The following TRPA1 variants were observed in gnomAD, a reference collection of about 807,000 sequenced individuals.
TRPA1 encodes transient receptor potential cation channel subfamily A member 1.
A neutral mutation model predicts 131.3 loss-of-function variants in TRPA1; 129 were observed. The ratio of observed to expected loss-of-function variants is 0.98; its 90% CI spans 0.85 to 1.14. TRPA1 has a LOEUF of 1.14. TRPA1 is among the 50% of genes most tolerant of loss of function. The probability of loss-of-function intolerance (pLI) is 0.00; values close to 1 mark genes in which losing one functional copy is unlikely to be tolerated. For missense variants in TRPA1, 1,304 were observed against 1,354.2 expected (o/e 0.96, Z 0.58); for synonymous variants, 441 against 451.7 (o/e 0.98, Z 0.30).
At chr8:72,088,217 C>T in the TRPA1 span, among the ~76,000 whole-genome samples, 67,518 of 151,988 alleles carry the variant, frequency 0.44, 15,292 homozygotes, top group African/African-American at 0.46. Flanking sequence ...ATTCTTTTGC[C>T]TATGTTTAGT....
intron 24 of TRPA1, among the ~76,000 whole-genome samples, chr8:72,027,453 G>T (rs1208387497): frequency 2.0e-5 from 3 of 152,162 alleles, no homozygotes. Context: ...AATTTGCAGT[G>T]GAGATATAAA....
intron 17 of TRPA1, among the ~76,000 whole-genome samples, chr8:72,043,461 C>T (rs990982078): frequency 1.6e-4 from 25 of 151,788 alleles, no homozygotes; most frequent in South Asian, 6.2e-4. Context: ...AAGACCTTCC[C>T]TTATTTATAA....
intron 10 of TRPA1, chr8:72,056,414 T>C (rs1284330688): frequency 1.8e-5 from 3 of 166,366 alleles, no homozygotes; most frequent in Admixed American, 5.8e-5. Context: ...TTGAAATCTA[T>C]TGATGATAAA....
Position 72,023,015 on chromosome 8 carries a change from T to C in TRPA1, c.3251A>G (p.His1084Arg), listed in dbSNP as rs749435626. 6 of 1,613,898 alleles carry C rather than the reference T, an allele frequency of 3.7e-6. No individual in the cohort carries two copies. Among genetic ancestry groups the C allele is most frequent in the South Asian group, 1.1e-5 (1 of 91,078 alleles). ...IISETEDDDS[H>R]CSFQDRFKKE... ...CTTAAACCTGTCTTGAAAAGAACAATGGCTATCATCATCCTCTGTCTCAGA... is the reference window on the plus strand; with the variant it reads ...CTTAAACCTGTCTTGAAAAGAACAACGGCTATCATCATCCTCTGTCTCAGA... The change falls in exon 27 of 27, where the codon CAT (histidine) becomes CGT (arginine). Residue 1084 changes from histidine to arginine, a missense_variant. Transcript: ENST00000262209.
chr8:72,030,588 C>CTTAA (rs1811779612), intron 23 of TRPA1, among the ~76,000 whole-genome samples: 1 of 152,044 alleles, frequency 6.6e-6, no homozygotes, highest in Non-Finnish European at 1.5e-5. Flanking sequence ...ATCCAAAATT[C>CTTAA]ATTTCATTTA....
the TRPA1 span, among the ~76,000 whole-genome samples, chr8:72,083,168 A>C: frequency 0.89 from 135,048 of 152,104 alleles, 60,165 homozygotes; most frequent in African/African-American, 0.95. Flanking sequence ...TTAAAATTCC[A>C]TTGTTGTTTT....
rs1261157454 is a variant in TRPA1 at position 72,023,041 on chromosome 8, G to A, written c.3225C>T (p.Ile1075=). 4.3e-6 allele frequency: 7 copies of A among 1,613,674 alleles called. No homozygotes were observed. In the African/African-American group the frequency reaches 8.0e-5, roughly 18 times the overall value. ...IKLIIQKMEI[I]SETEDDDSHC... is the part of the protein sequence containing the mutation. ...GGCTATCATCATCCTCTGTCTCAGA[G>A]ATGATCTCCATCTTCTGAATGATCA... Residue 1075 remains isoleucine (I), a synonymous_variant, in exon 27 of 27, where the codon ATC becomes ATT. Coordinates refer to ENST00000262209, the MANE Select transcript of TRPA1 (RefSeq NM_007332.3).
At chr8:72,085,244 A>C in the TRPA1 span, among the ~76,000 whole-genome samples, 1 of 152,112 alleles carries the variant, frequency 6.6e-6, no homozygotes, top group Non-Finnish European at 1.5e-5. Flanking sequence ...TTAAGGTAGT[A>C]TTTTTAATAT....
At chr8:72,051,305 A>G (rs1805501659) in intron 14 of TRPA1, among the ~76,000 whole-genome samples, 1 of 152,166 alleles carries the variant, frequency 6.6e-6, no homozygotes. Flanking sequence ...TCCTGTATTG[A>G]GTTAAACTAC....
Position 72,052,731 on chromosome 8 carries a change from T to C in TRPA1, c.1679A>G (p.His560Arg), listed in dbSNP as rs370572629. 6 of 1,613,478 alleles carry C rather than the reference T, an allele frequency of 3.7e-6. No homozygotes were observed. The highest frequency in any genetic ancestry group is 2.7e-5 in the African/African-American group (2 of 74,894). ...CAGAAGAAGCGCAACGGCTTTGGCG[T>C]GGCCTTCCCTTGCAGCAAAGTGAAG... ...TALHFAAREG[H>R]AKAVALLLSH... The change falls in exon 14 of 27, where the codon CAC becomes CGC. Residue 560 changes from histidine to arginine, a missense_variant. By Grantham distance (29) the His-to-Arg change is conservative. Transcript: ENST00000262209.
At chr8:72,048,642 A>G (rs1008525481) in intron 15 of TRPA1, among the ~76,000 whole-genome samples, 5 of 152,152 alleles carry the variant, frequency 3.3e-5, no homozygotes, top group Non-Finnish European at 7.4e-5. Context: ...AGATTTCAAG[A>G]GCAACTTTTC....
At position 72,039,791 on chromosome 8, in the gene TRPA1, C is replaced by A; in HGVS notation, c.2068G>T (p.Val690Leu). Residue 690 changes from valine (V) to leucine (L), a missense_variant, in exon 18 of 27, where the codon GTA becomes TTA. By Grantham distance (32) the Val-to-Leu change is conservative. Transcript: ENST00000262209. Reference sequence around the variant, plus strand: ...AGAAGCTCTATGCGGTTATTTTGTACCATTGCCTGAGAAATAAAAAAAAGT... The same window carrying A: ...AGAAGCTCTATGCGGTTATTTTGTAACATTGCCTGAGAAATAAAAAAAAGT... ...YEPLTALNAMVQNNRIELLNH... is the reference protein window; with the variant it reads ...YEPLTALNAMLQNNRIELLNH... 6.2e-7 allele frequency: 1 copy of A among 1,604,792 alleles called. No individual in the cohort carries two copies. The highest frequency in any genetic ancestry group is 8.5e-7 in the Non-Finnish European group (1 of 1,172,556).
Position 72,052,685 on chromosome 8 carries a change from GA to G in TRPA1, c.1724del (p.Val575AlafsTer2), listed in dbSNP as rs1805541356. 6.2e-7 allele frequency: 1 copy of G among 1,613,814 alleles called. No individual in the cohort carries two copies. The highest frequency in any genetic ancestry group is 8.5e-7 in the Non-Finnish European group (1 of 1,179,852). On this transcript the variant is annotated frameshift_variant, in exon 14 of 27. Coordinates refer to ENST00000262209, the MANE Select transcript of TRPA1 (RefSeq NM_007332.3). LOFTEE classifies it high-confidence loss of function. ...ALLLSHNADI[V>X]LNKQQASFLH... ...AAAAGGAGGCCTGCTGCTTGTTCAG[GA>G]CTATGTCAGCATTGTGGCTCAGAAG...
chr8:72,061,947 C>T (rs1295217828), intron 6 of TRPA1, among the ~76,000 whole-genome samples, 186 bp from the exon 7 acceptor site: 1 of 152,164 alleles, frequency 6.6e-6, no homozygotes, highest in Non-Finnish European at 1.5e-5. Flanking sequence ...AGAAAAGCAT[C>T]CACAAACAAA....
chr8:72,029,651 A>G (rs1041743069), intron 24 of TRPA1: 8 of 580,910 alleles, frequency 1.4e-5, no homozygotes, highest in Non-Finnish European at 2.2e-5. Context: ...TTCAAATTTT[A>G]AACTTTGATC....
Position 72,050,205 on chromosome 8 carries a change from G to A in TRPA1, c.1905+573C>T, listed in dbSNP as rs138882697. ...GAGAACATGTGGCGTTTGGTTTTCT[G>A]TCCTTGTGACAGTTTGCTCAGAATG... is the stretch of plus-strand genomic sequence containing the variant. On this transcript the variant is annotated intron_variant, in intron 15 of 26. Coordinates refer to ENST00000262209, the MANE Select transcript of TRPA1 (RefSeq NM_007332.3). Among the ~76,000 whole-genome samples, 914 of 151,902 alleles carry A rather than the reference G, an allele frequency of 6.0e-3. 14 individuals carry two copies. The highest frequency in any genetic ancestry group is 0.02 in the African/African-American group (843 of 41,412).
chr8:72,060,820 C>T (rs1805790228), intron 7 of TRPA1, among the ~76,000 whole-genome samples: 1 of 150,158 alleles, frequency 6.7e-6, no homozygotes, highest in Non-Finnish European at 1.5e-5. Flanking sequence ...TTGCTGCGTG[C>T]ATTTATTAGA....
chr8:72,074,331 T>C (rs12548018), intron 1 of TRPA1, among the ~76,000 whole-genome samples: 59,121 of 152,046 alleles, frequency 0.39, 12,144 homozygotes, highest in East Asian at 0.63. Flanking sequence ...ATTTGAAATG[T>C]ATTCAAAAAT....
chr8:72,059,246 T>C (rs1209768447), intron 8 of TRPA1, 144 bp downstream of exon 8: 5 of 616,686 alleles, frequency 8.1e-6, no homozygotes, highest in Non-Finnish European at 1.4e-5. Context: ...TGCTTCCAAG[T>C]ATGTCAATCA....
Sources: gnomAD v4.1 joint callset for allele counts (sites outside exome capture counted in the v4.1 genomes callset) on GRCh38, gnomAD v4.1.1 for gene constraint, MANE v1.5 for transcripts, NCBI Gene and HGNC (gene_info 2026-07-23, HGNC 2026-07-21) for gene names.